Variants in MAP3K7 observed in about 807,000 individuals in gnomAD.
MAP3K7 encodes the protein TGF-beta activated kinase 1.
MAP3K7 carries 21 observed loss-of-function variants against 84.8 expected under a neutral mutation model. The observed-to-expected ratio is 0.25, with a 90% CI of 0.18 to 0.36. MAP3K7 has a LOEUF of 0.36. MAP3K7 is among the 10% of genes least tolerant of loss of function. The probability of loss-of-function intolerance (pLI) is 1.00; values close to 1 mark genes in which losing one functional copy is unlikely to be tolerated. For synonymous variants in MAP3K7, 241 were observed against 247.7 expected, an observed-to-expected ratio of 0.97 and a Z score of 0.25; for missense variants, 503 against 747.7, an observed-to-expected ratio of 0.67 and a Z score of 3.82.
chr6:90,578,375 T>G (rs1478302016), intron 1 of MAP3K7, among the ~76,000 whole-genome samples: 1 of 152,050 alleles, frequency 6.6e-6, no homozygotes, highest in African/African-American at 2.4e-5. Flanking sequence ...CTGGCTGAAG[T>G]GATTCTCCTG....
chr6:90,542,700 T>C (rs1232167591), intron 12 of MAP3K7, among the ~76,000 whole-genome samples: 1 of 152,036 alleles, frequency 6.6e-6, no homozygotes, highest in African/African-American at 2.4e-5. Context: ...ACAGCTATAA[T>C]TTCATCCGAT....
chr6:90,567,926 A>C (rs1303019341), intron 3 of MAP3K7, among the ~76,000 whole-genome samples: 1 of 152,240 alleles, frequency 6.6e-6, no homozygotes, highest in East Asian at 1.9e-4. Flanking sequence ...ACATGGATGA[A>C]GCTGGAAACC....
intron 9 of MAP3K7, 108 bp downstream of exon 9, chr6:90,550,360 G>T: frequency 1.5e-6 from 1 of 661,784 alleles, no homozygotes; most frequent in Non-Finnish European, 2.5e-6. Context: ...TGAAATGAAG[G>T]AATTAAAATG....
chr6:90,573,806 G>A (rs1456317804), intron 1 of MAP3K7, among the ~76,000 whole-genome samples: 1 of 152,220 alleles, frequency 6.6e-6, no homozygotes, highest in Non-Finnish European at 1.5e-5. Flanking sequence ...CTGCCTCTAG[G>A]CAAAATTTCA....
rs575213662 is a variant in MAP3K7 at position 90,559,455 on chromosome 6, G to C, written c.482+621C>G. Among the ~76,000 whole-genome samples, 33 of 152,168 alleles carry C rather than the reference G, an allele frequency of 2.2e-4. No individual in the cohort carries two copies. In the South Asian group the frequency reaches 6.8e-3, roughly 32 times the overall value. ...CAGGTGCATAAAAGAAAAAAAAAGA[G>C]AGAAAAGGAAACAATATGTTTTATG... On this transcript the variant is annotated intron_variant, in intron 5 of 16. Transcript: ENST00000369329.
intron 3 of MAP3K7, among the ~76,000 whole-genome samples, chr6:90,567,498 T>C (rs1217075720): frequency 1.3e-5 from 2 of 152,090 alleles, no homozygotes; most frequent in African/African-American, 4.8e-5. Flanking sequence ...AAAATGTAAA[T>C]CAAAACCACA....
At chr6:90,567,288 G>A (rs1013684111) in intron 3 of MAP3K7, among the ~76,000 whole-genome samples, 1 of 152,114 alleles carries the variant, frequency 6.6e-6, no homozygotes, top group Non-Finnish European at 1.5e-5. Flanking sequence ...CCTACAGAAT[G>A]GGAGAAAATT....
chr6:90,578,363 C>T (rs1487067685), intron 1 of MAP3K7, among the ~76,000 whole-genome samples: 1 of 152,166 alleles, frequency 6.6e-6, no homozygotes, highest in Admixed American at 6.5e-5. Flanking sequence ...GCCTCTGCCT[C>T]TCTGGCTGAA....
At chr6:90,533,667 G>A (rs1440241398) in intron 13 of MAP3K7, among the ~76,000 whole-genome samples, 1 of 152,146 alleles carries the variant, frequency 6.6e-6, no homozygotes, top group African/African-American at 2.4e-5. Context: ...TTCCGAAGTA[G>A]TCTTGTTTTG....
At chr6:90,531,202 T>C (rs1290469317) in intron 13 of MAP3K7, among the ~76,000 whole-genome samples, 2 of 152,192 alleles carry the variant, frequency 1.3e-5, no homozygotes, top group African/African-American at 4.8e-5. Context: ...AAAAAGGAAT[T>C]GGAAGTTATT....
chr6:90,540,618 A>G (rs1298074350), intron 12 of MAP3K7, among the ~76,000 whole-genome samples: 1 of 151,986 alleles, frequency 6.6e-6, no homozygotes, highest in Non-Finnish European at 1.5e-5. Context: ...ATATATGTAT[A>G]TGACAGTATT....
chr6:90,548,133 C>A lies in MAP3K7; in HGVS notation c.994G>T (p.Asp332Tyr). The A allele has an allele frequency of 1.2e-6, 2 of 1,612,040 alleles. No homozygotes were observed. Among genetic ancestry groups the A allele is most frequent in the Non-Finnish European group, 1.7e-6 (2 of 1,179,004 alleles). Residue 332 changes from aspartate to tyrosine, a missense_variant, in exon 10 of 17, where the codon GAC becomes TAC. Asp to Tyr is a radical substitution (Grantham distance 160). Transcript: ENST00000369329. ...IASTNTSNKS[D>Y]TNMEQVPATN... ...GCAGGAACTTGCTCCATATTAGTGT[C>A]ACTTTTGTTACTCGTATTTGTAGAA...
At chr6:90,531,478 A>G (rs1322057912) in intron 13 of MAP3K7, among the ~76,000 whole-genome samples, 1 of 152,226 alleles carries the variant, frequency 6.6e-6, no homozygotes, top group African/African-American at 2.4e-5. Flanking sequence ...GTGGATTTAC[A>G]TGGGTACTTA....
intron 6 of MAP3K7, 133 bp from the exon 7 acceptor site, chr6:90,553,719 T>G (rs1393104758): frequency 1.6e-6 from 1 of 633,720 alleles, no homozygotes; most frequent in East Asian, 2.9e-5. Flanking sequence ...AAGAAACTAC[T>G]CTTTCTGAAG....
Position 90,586,755 on chromosome 6 carries a change from C to T in MAP3K7, c.120+9G>A, listed in dbSNP as rs570076220. On this transcript the variant is annotated intron_variant, in intron 1 of 16. Transcript: ENST00000369329. ...CGGGACCGGCGTCTCCATGCCGGGC[C>T]TCGCTCACCTCTTCCACCTCGATCT... 57 of 1,580,196 alleles carry T rather than the reference C, an allele frequency of 3.6e-5. 1 individual carries two copies. In the African/African-American group the frequency reaches 5.1e-4, roughly 14 times the overall value.
At chr6:90,519,169 A>G in intron 15 of MAP3K7, 89 bp downstream of exon 15, 1 of 786,502 alleles carries the variant, frequency 1.3e-6, no homozygotes, top group South Asian at 1.5e-5. Flanking sequence ...TTAAGGAGTG[A>G]CTATACAATG....
In MAP3K7 at chr6:90,516,225, G is replaced by T; in HGVS notation, c.*276C>A. 2.1e-6 allele frequency: 1 copy of T among 477,980 alleles called. No individual in the cohort carries two copies. Among genetic ancestry groups the T allele is most frequent in the East Asian group, 4.0e-5 (1 of 24,964 alleles). The allele number at this position is 477,980 out of a possible 1,614,324, so 29.6% of individuals were successfully genotyped here. On this transcript the variant is annotated 3_prime_UTR_variant, in exon 17 of 17. Coordinates refer to ENST00000369329, the MANE Select transcript of MAP3K7 (RefSeq NM_145331.3). ...AGGCTAGCCTTCACACAATGAGCATGCATATACAGCCACAGTTCACTGCAT... is the reference window on the plus strand; with the variant it reads ...AGGCTAGCCTTCACACAATGAGCATTCATATACAGCCACAGTTCACTGCAT...
At position 90,516,059 on chromosome 6, in the gene MAP3K7, A is replaced by G; in HGVS notation, c.*442T>C. The G allele has an allele frequency of 5.3e-6, 1 of 187,362 alleles. No homozygotes were observed. Among genetic ancestry groups the G allele is most frequent in the Non-Finnish European group, 1.1e-5 (1 of 90,594 alleles). The allele number at this position is 187,362 out of a possible 1,614,324, so 11.6% of individuals were successfully genotyped here. ...TATAATACCCTGTCTTTAACTTGGTATATACCATCTTTTGGGAAAAAAATT... is the reference window on the plus strand; with the variant it reads ...TATAATACCCTGTCTTTAACTTGGTGTATACCATCTTTTGGGAAAAAAATT... On this transcript the variant is annotated 3_prime_UTR_variant, in exon 17 of 17. Transcript: ENST00000369329.
At position 90,515,997 on chromosome 6, in the gene MAP3K7, C is replaced by T. The variant is rs953073096; in HGVS notation, c.*504G>A. 1.2e-5 allele frequency: 2 copies of T among 160,386 alleles called. No homozygotes were observed. The highest frequency in any genetic ancestry group is 2.7e-5 in the Non-Finnish European group (2 of 73,662). The allele number at this position is 160,386 out of a possible 1,614,324, so 9.9% of individuals were successfully genotyped here. A position where few individuals can be genotyped will look rare whatever the true frequency, so the allele number is the denominator to read the frequency against. ...TTACACGGAACTATCCCTAAAGGTT[C>T]CGTATTTCCGTAATATACCACCAAT... On this transcript the variant is annotated 3_prime_UTR_variant, in exon 17 of 17. Coordinates refer to ENST00000369329, the MANE Select transcript of MAP3K7 (RefSeq NM_145331.3).
Sources: allele counts gnomAD v4.1 joint callset (sites outside exome capture counted in the v4.1 genomes callset), GRCh38; gene constraint gnomAD v4.1.1; transcripts MANE v1.5; gene names NCBI Gene and HGNC (gene_info 2026-07-23, HGNC 2026-07-21).